SEC63: variants seen among roughly 807,000 people sequenced by gnomAD.
The protein encoded by SEC63 is translocation protein SEC63 homolog.
Under a neutral mutation model 116.2 loss-of-function variants are expected in SEC63, and 56 were observed. The ratio of observed to expected loss-of-function variants is 0.48; its 90% CI spans 0.39 to 0.60. The LOEUF (loss-of-function observed/expected upper bound fraction) is 0.60. Ranked by LOEUF, SEC63 falls within the 20% of genes least tolerant of loss-of-function variation. The pLI is 0.00. For synonymous variants in SEC63, 273 were observed against 294.6 expected (o/e 0.93, Z 0.75); for missense variants, 668 against 900.0 (o/e 0.74, Z 3.30).
At position 107,904,831 on chromosome 6, in the gene SEC63, T is replaced by C. The variant is rs1787107347; in HGVS notation, c.962-110A>G. On this transcript the variant is annotated intron_variant, in intron 10 of 20. Coordinates refer to ENST00000369002, the MANE Select transcript of SEC63 (RefSeq NM_007214.5). Reference sequence around the variant, plus strand: ...AAAGTTATGCCACAAATATTTCACATGATCTCAGAATTTTACAGATTGAAT... The same window carrying C: ...AAAGTTATGCCACAAATATTTCACACGATCTCAGAATTTTACAGATTGAAT... The C allele has an allele frequency of 1.5e-5, 13 of 841,850 alleles. No homozygotes were observed. In the Admixed American group the frequency reaches 2.2e-4, roughly 14 times the overall value. The allele number at this position is 841,850 out of a possible 1,614,324, so 52.1% of individuals were successfully genotyped here. A position where few individuals can be genotyped will look rare whatever the true frequency, so the allele number is the denominator to read the frequency against.
intron 1 of SEC63, among the ~76,000 whole-genome samples, chr6:107,943,103 G>A (rs1028256554): frequency 6.6e-6 from 1 of 152,198 alleles, no homozygotes; most frequent in Admixed American, 6.5e-5. Context: ...TTACTGAAGA[G>A]ACAAACTGCT....
intron 4 of SEC63, among the ~76,000 whole-genome samples, chr6:107,919,360 G>T (rs1348813998): frequency 2.6e-5 from 4 of 152,206 alleles, no homozygotes; most frequent in African/African-American, 7.2e-5. Context: ...GATCGAACTT[G>T]AACAGATGAG....
chr6:107,957,856 G>A (rs933751605), intron 1 of SEC63, 30 bp downstream of exon 1: 20 of 1,597,900 alleles, frequency 1.3e-5, no homozygotes, highest in Non-Finnish European at 1.6e-5. Context: ...GGCCTGCGCG[G>A]GTTCGCGGGC....
At chr6:107,933,774 G>C (rs907407891) in intron 1 of SEC63, among the ~76,000 whole-genome samples, 12 of 148,946 alleles carry the variant, frequency 8.1e-5, no homozygotes, top group African/African-American at 2.8e-4. Context: ...ATGTCTAGCC[G>C]AAGCTGGACT....
rs1270969894 is a variant in SEC63, at chr6:107,871,707, G to C, written c.2280C>G (p.Asp760Glu). 8.1e-6 allele frequency: 13 copies of C among 1,612,168 alleles called. No homozygotes were observed. Among genetic ancestry groups the C allele is most frequent in the Non-Finnish European group, 1.1e-5 (13 of 1,179,704 alleles). ...EEEEEEEEDD[D>E] ...TGTGGTCCATTCAGAGTACTGCTTA[G>C]TCATCATCTTCTTCTTCCTCCTCTT... Residue 760 changes from aspartate (D) to glutamate (E), a missense_variant, in exon 21 of 21, where the codon GAC becomes GAG. By Grantham distance (45) the Asp-to-Glu change is conservative (BLOSUM62 2). This residue lies in a region of SEC63 where 85 missense variants were observed against 116.3 expected (regional missense o/e 0.73). Coordinates refer to ENST00000369002, the MANE Select transcript of SEC63 (RefSeq NM_007214.5).
At chr6:107,887,513 C>T (rs1424544264) in intron 16 of SEC63, among the ~76,000 whole-genome samples, 22 of 148,606 alleles carry the variant, frequency 1.5e-4, no homozygotes, top group Non-Finnish European at 3.0e-5. Context: ...AAACCAAACA[C>T]CGCATATTCT....
At chr6:107,881,749 G>A (rs1233266757) in intron 17 of SEC63, among the ~76,000 whole-genome samples, 1 of 152,108 alleles carries the variant, frequency 6.6e-6, no homozygotes, top group Non-Finnish European at 1.5e-5. Flanking sequence ...CATAAGATGT[G>A]TGTAATTTCA....
At chr6:107,924,729 AG>A in intron 3 of SEC63, 88 bp downstream of exon 3, 1 of 717,234 alleles carries the variant, frequency 1.4e-6, no homozygotes. Flanking sequence ...TGATTTCTAT[AG>A]GAATAGACAA....
At chr6:107,944,098 T>A (rs1454568301) in intron 1 of SEC63, among the ~76,000 whole-genome samples, 3 of 152,142 alleles carry the variant, frequency 2.0e-5, no homozygotes, top group African/African-American at 7.2e-5. Context: ...AAGAACATAC[T>A]AGTAGTCTGA....
At chr6:107,938,043 T>C (rs2818199) in intron 1 of SEC63, among the ~76,000 whole-genome samples, 4,747 of 152,242 alleles carry the variant, frequency 0.031, 246 homozygotes, top group African/African-American at 0.11. Flanking sequence ...ATTAGATCCA[T>C]TTGTCAATTC....
intron 13 of SEC63, among the ~76,000 whole-genome samples, chr6:107,898,790 A>G (rs1786925740): frequency 6.6e-6 from 1 of 150,958 alleles, no homozygotes; most frequent in South Asian, 2.1e-4. Flanking sequence ...TTTATATGTA[A>G]GATAGTTCTT....
intron 10 of SEC63, among the ~76,000 whole-genome samples, chr6:107,905,750 A>T (rs1390828445): frequency 6.6e-6 from 1 of 152,160 alleles, no homozygotes; most frequent in Non-Finnish European, 1.5e-5. Context: ...AAAGTCCTTT[A>T]AAAAAATTAT....
At chr6:107,915,781 TGA>T (rs1583753017) in intron 4 of SEC63, among the ~76,000 whole-genome samples, 1 of 152,182 alleles carries the variant, frequency 6.6e-6, no homozygotes, top group African/African-American at 2.4e-5. Context: ...GAGTTATTCA[TGA>T]GATAGGAACT....
intron 10 of SEC63, among the ~76,000 whole-genome samples, chr6:107,905,969 A>G (rs1787139109): frequency 6.6e-6 from 1 of 152,170 alleles, no homozygotes; most frequent in Non-Finnish European, 1.5e-5. Context: ...AACAAAACAC[A>G]CCGCACCACC....
intron 8 of SEC63, among the ~76,000 whole-genome samples, chr6:107,907,535 T>C (rs1178310400): frequency 6.6e-6 from 1 of 152,166 alleles, no homozygotes; most frequent in Non-Finnish European, 1.5e-5. Context: ...TGAGCTGAGA[T>C]TGTGCCATTG....
chr6:107,943,874 G>A (rs1166003507), intron 1 of SEC63, among the ~76,000 whole-genome samples: 1 of 152,198 alleles, frequency 6.6e-6, no homozygotes, highest in African/African-American at 2.4e-5. Flanking sequence ...TAGTCAGATT[G>A]AGACAGATCC....
At chr6:107,917,449 A>G (rs1562328251) in intron 4 of SEC63, among the ~76,000 whole-genome samples, 3 of 152,160 alleles carry the variant, frequency 2.0e-5, no homozygotes, top group South Asian at 4.2e-4. Context: ...GCGGGCCTCT[A>G]AATGTTTAAA....
intron 16 of SEC63, among the ~76,000 whole-genome samples, chr6:107,889,489 T>A (rs1014991302): frequency 6.6e-6 from 1 of 152,192 alleles, no homozygotes; most frequent in Non-Finnish European, 1.5e-5. Flanking sequence ...TCTTTTATTC[T>A]TTATTAGTCT....
intron 4 of SEC63, among the ~76,000 whole-genome samples, chr6:107,920,764 G>A (rs1390787817): frequency 6.6e-6 from 1 of 152,110 alleles, no homozygotes; most frequent in Non-Finnish European, 1.5e-5. Context: ...TTTATCTCTT[G>A]GAAGATTAAT....
Sources: gnomAD v4.1 joint callset for allele counts (sites outside exome capture counted in the v4.1 genomes callset) on GRCh38, gnomAD v4.1.1 for gene constraint, gnomAD v4.1.1 regional missense constraint, MANE v1.5 for transcripts, NCBI Gene and HGNC (gene_info 2026-07-23, HGNC 2026-07-21) for gene names.